Variants in SUMF1 observed in about 807,000 individuals in gnomAD.
SUMF1 encodes the protein formylglycine-generating enzyme.
SUMF1 carries 48 observed loss-of-function variants against 47.6 expected under a neutral mutation model. The observed-to-expected ratio is 1.01, with a 90% CI of 0.80 to 1.28. The LOEUF is 1.28. SUMF1 is among the 50% of genes most tolerant of loss of function. The pLI, the probability that SUMF1 is intolerant of heterozygous loss-of-function variation, is 0.00. For synonymous variants in SUMF1, 230 were observed against 192.1 expected, an observed-to-expected ratio of 1.20 and a Z score of -1.63; for missense variants, 571 against 485.4, an observed-to-expected ratio of 1.18 and a Z score of -1.66.
At chr3:4,194,988 G>C (rs1695397439) in intron 8 of SUMF1, among the ~76,000 whole-genome samples, 1 of 152,102 alleles carries the variant, frequency 6.6e-6, no homozygotes, top group Admixed American at 6.6e-5. Context: ...AGGTTTTGAA[G>C]TCACTTATTT....
intron 1 of SUMF1, among the ~76,000 whole-genome samples, chr3:4,466,304 G>A (rs1469218544): frequency 6.6e-6 from 1 of 151,982 alleles, no homozygotes; most frequent in African/African-American, 2.4e-5. Context: ...TAGAGACGGG[G>A]TTTCGCCATG....
At chr3:4,331,928 C>T (rs1429186682) in intron 8 of SUMF1, among the ~76,000 whole-genome samples, 1 of 152,166 alleles carries the variant, frequency 6.6e-6, no homozygotes, top group Non-Finnish European at 1.5e-5. Flanking sequence ...CTTAAAACAT[C>T]TGGTAGAGAT....
At chr3:4,289,876 A>T in intron 8 of SUMF1, among the ~76,000 whole-genome samples, 1 of 152,246 alleles carries the variant, frequency 6.6e-6, no homozygotes, top group East Asian at 1.9e-4. Flanking sequence ...TTTCTTTATT[A>T]TGAATGACTC....
intron 9 of SUMF1, among the ~76,000 whole-genome samples, chr3:4,041,394 T>G (rs1468230988): frequency 6.6e-6 from 1 of 152,192 alleles, no homozygotes; most frequent in Non-Finnish European, 1.5e-5. Context: ...TGATGATATA[T>G]CAGGTGACTT....
chr3:4,175,618 C>T (rs189144213), intron 8 of SUMF1, among the ~76,000 whole-genome samples: 4 of 152,224 alleles, frequency 2.6e-5, no homozygotes, highest in East Asian at 3.9e-4. Flanking sequence ...TTCTAAAAAT[C>T]GAGCAGTTTT....
chr3:4,326,433 T>C (rs1469471984), intron 8 of SUMF1, among the ~76,000 whole-genome samples: 1 of 151,996 alleles, frequency 6.6e-6, no homozygotes, highest in African/African-American at 2.4e-5. Context: ...TTCCTGGGCC[T>C]GTCAGAAAAT....
intron 8 of SUMF1, among the ~76,000 whole-genome samples, chr3:4,335,789 A>G (rs1287011565): frequency 2.0e-5 from 3 of 151,866 alleles, no homozygotes; most frequent in Non-Finnish European, 4.4e-5. Context: ...GTGAAACCCC[A>G]TCTCTACTAA....
At chr3:4,207,523 T>G (rs904637895) in intron 8 of SUMF1, among the ~76,000 whole-genome samples, 1 of 152,118 alleles carries the variant, frequency 6.6e-6, no homozygotes, top group African/African-American at 2.4e-5. Flanking sequence ...TGAATGTATG[T>G]TGGATATTTT....
chr3:4,092,575 C>A (rs1692811306), intron 8 of SUMF1, among the ~76,000 whole-genome samples: 2 of 152,124 alleles, frequency 1.3e-5, no homozygotes, highest in South Asian at 4.1e-4. Flanking sequence ...AATTGGTTAA[C>A]CATGTCATAT....
At chr3:4,068,875 C>A in intron 8 of SUMF1, 1 of 222,848 alleles carries the variant, frequency 4.5e-6, no homozygotes, top group Non-Finnish European at 9.3e-6. Context: ...TAACAAACTA[C>A]AACGAAAAAT....
chr3:4,236,602 T>C (rs969102817), intron 8 of SUMF1, among the ~76,000 whole-genome samples: 2 of 151,842 alleles, frequency 1.3e-5, no homozygotes, highest in Non-Finnish European at 2.9e-5. Flanking sequence ...AATAAATAAA[T>C]AAATAAACAA....
chr3:4,261,661 C>G (rs1231706039), intron 8 of SUMF1, among the ~76,000 whole-genome samples: 1 of 152,162 alleles, frequency 6.6e-6, no homozygotes, highest in African/African-American at 2.4e-5. Context: ...GCTCAATGGT[C>G]GCAGCAATGC....
intron 9 of SUMF1, among the ~76,000 whole-genome samples, chr3:4,034,680 G>C (rs1279220007): frequency 6.6e-6 from 1 of 151,994 alleles, no homozygotes; most frequent in Non-Finnish European, 1.5e-5. Context: ...TCCGTGGCAG[G>C]CTCCATGAGA....
At chr3:4,231,532 T>C (rs1696299543) in intron 8 of SUMF1, among the ~76,000 whole-genome samples, 1 of 152,190 alleles carries the variant, frequency 6.6e-6, no homozygotes, top group South Asian at 2.1e-4. Context: ...GAAACTTGAA[T>C]TGATTATTTT....
chr3:4,412,063 G>C (rs1298687443), intron 6 of SUMF1, among the ~76,000 whole-genome samples: 1 of 152,194 alleles, frequency 6.6e-6, no homozygotes, highest in Admixed American at 6.5e-5. Context: ...AGTGTGAAAA[G>C]AACTTAATCT....
At chr3:4,411,316 T>C (rs1701534458) in intron 6 of SUMF1, among the ~76,000 whole-genome samples, 1 of 152,124 alleles carries the variant, frequency 6.6e-6, no homozygotes, top group East Asian at 1.9e-4. Context: ...ACTTAGACTT[T>C]CAAAATCATT....
chr3:4,439,970 A>G (rs1575224130), intron 3 of SUMF1, among the ~76,000 whole-genome samples: 1 of 152,176 alleles, frequency 6.6e-6, no homozygotes, highest in African/African-American at 2.4e-5. Context: ...ATGGTGGCTC[A>G]TGCTTGTAAT....
chr3:4,308,023 T>G (rs1000691409), intron 8 of SUMF1, among the ~76,000 whole-genome samples: 2 of 151,788 alleles, frequency 1.3e-5, no homozygotes, highest in African/African-American at 4.8e-5. Context: ...GGCAGCAACG[T>G]CTTAAAAAAA....
chr3:4,259,733 G>T (rs1190814963), intron 8 of SUMF1, among the ~76,000 whole-genome samples: 4 of 151,990 alleles, frequency 2.6e-5, no homozygotes, highest in African/African-American at 9.7e-5. Context: ...AAGCCTAATG[G>T]CAAAAGGCAA....
Sources: gnomAD v4.1 joint callset for allele counts (sites outside exome capture counted in the v4.1 genomes callset) on GRCh38, gnomAD v4.1.1 for gene constraint, MANE v1.5 for transcripts, NCBI Gene and HGNC (gene_info 2026-07-23, HGNC 2026-07-21) for gene names.